The following NXPE2 variants were observed in gnomAD, a reference collection of about 807,000 sequenced individuals.
NXPE2 encodes NXPE family member 2.
A neutral mutation model predicts 34.4 loss-of-function variants in NXPE2; 34 were observed. That is an observed-to-expected ratio of 0.99 (90% CI 0.75 to 1.31). The LOEUF (loss-of-function observed/expected upper bound fraction) is 1.31, where lower values mean the gene tolerates loss of function less well. Among genes scored for constraint, NXPE2 ranks in the 40% most tolerant of loss-of-function variants. The pLI, the probability that NXPE2 is intolerant of heterozygous loss-of-function variation, is 0.00. For missense variants in NXPE2, 649 were observed against 672.5 expected, an observed-to-expected ratio of 0.97 and a Z score of 0.39; for synonymous variants, 235 against 231.3, an observed-to-expected ratio of 1.02 and a Z score of -0.15.
the NXPE2 span, among the ~76,000 whole-genome samples, chr11:114,734,879 C>T: frequency 0.27 from 40,904 of 152,056 alleles, 6,001 homozygotes; most frequent in East Asian, 0.43. Flanking sequence ...GAGGCCGAGG[C>T]GGGCGGATCA....
Position 114,706,927 on chromosome 11 carries a change from T to C in NXPE2, c.1677T>C (p.Cys559=). ...TTGGCATGTTCTTAAACTACATTTG[T>C]TAGAGGAAAAATACAAAAATAGCAC... The part of the protein sequence containing the change: ...NQIGMFLNYI[C] Residue 559 remains cysteine, a synonymous_variant, in exon 6 of 6, where the codon TGT becomes TGC. Transcript: ENST00000389586. 6.5e-7 allele frequency: 1 copy of C among 1,539,940 alleles called. No homozygotes were observed. The highest frequency in any genetic ancestry group is 1.2e-5 in the South Asian group (1 of 83,198).
At chr11:114,627,979 A>G in the NXPE2 span, among the ~76,000 whole-genome samples, 1 of 151,960 alleles carries the variant, frequency 6.6e-6, no homozygotes, top group African/African-American at 2.4e-5. Context: ...ACTATCCTAA[A>G]TATATATGGA....
chr11:114,775,231 G>T, the NXPE2 span, among the ~76,000 whole-genome samples: 1 of 152,170 alleles, frequency 6.6e-6, no homozygotes, highest in Non-Finnish European at 1.5e-5. Context: ...GCAGATCTAG[G>T]CCGTACGCTT....
the NXPE2 span, among the ~76,000 whole-genome samples, chr11:114,464,808 T>G: frequency 6.6e-6 from 1 of 151,674 alleles, no homozygotes; most frequent in Non-Finnish European, 1.5e-5. Flanking sequence ...ATTATATAAT[T>G]GACAAAAACT....
the NXPE2 span, among the ~76,000 whole-genome samples, chr11:114,479,625 G>A: frequency 5.3e-5 from 8 of 152,202 alleles, no homozygotes; most frequent in East Asian, 3.9e-4. Context: ...TTTGGACACC[G>A]AGTCAGCCAT....
At chr11:114,694,850 T>TG (rs1951219385) in intron 2 of NXPE2, among the ~76,000 whole-genome samples, 1 of 151,982 alleles carries the variant, frequency 6.6e-6, no homozygotes, top group South Asian at 2.1e-4. Context: ...TTTTGTATTT[T>TG]TTTTATTAGA....
chr11:114,531,158 G>GTA, the NXPE2 span, among the ~76,000 whole-genome samples: 1 of 151,670 alleles, frequency 6.6e-6, no homozygotes, highest in African/African-American at 2.4e-5. Flanking sequence ...TGATAATTTT[G>GTA]TATAAAATGT....
At chr11:114,684,582 G>T (rs542677140) in intron 2 of NXPE2, among the ~76,000 whole-genome samples, 1 of 152,146 alleles carries the variant, frequency 6.6e-6, no homozygotes, top group Non-Finnish European at 1.5e-5. Flanking sequence ...TAAGCACTTG[G>T]CTGAGGAGTT....
chr11:114,499,326 G>A, the NXPE2 span, among the ~76,000 whole-genome samples: 1 of 152,032 alleles, frequency 6.6e-6, no homozygotes, highest in Non-Finnish European at 1.5e-5. Flanking sequence ...GCTCTTGGAT[G>A]TATTTATCAA....
At chr11:114,523,569 AAT>A in the NXPE2 span, among the ~76,000 whole-genome samples, 1 of 152,208 alleles carries the variant, frequency 6.6e-6, no homozygotes, top group Non-Finnish European at 1.5e-5. Context: ...CAAATAGTAT[AAT>A]AGTCACCTAG....
chr11:114,775,059 G>A, the NXPE2 span, among the ~76,000 whole-genome samples: 1 of 152,236 alleles, frequency 6.6e-6, no homozygotes, highest in African/African-American at 2.4e-5. Flanking sequence ...TCTCTGGCTT[G>A]GATGAAAGAA....
the NXPE2 span, among the ~76,000 whole-genome samples, chr11:114,647,490 A>G: frequency 6.6e-6 from 1 of 152,126 alleles, no homozygotes; most frequent in Non-Finnish European, 1.5e-5. Flanking sequence ...TATTTCCTTA[A>G]TGCTCACTAA....
the NXPE2 span, among the ~76,000 whole-genome samples, chr11:114,618,986 A>G: frequency 6.6e-6 from 1 of 152,066 alleles, no homozygotes; most frequent in Non-Finnish European, 1.5e-5. Flanking sequence ...CTGGTGGATA[A>G]TAGGTATTGC....
chr11:114,610,553 G>C, the NXPE2 span, among the ~76,000 whole-genome samples: 1 of 102,414 alleles, frequency 9.8e-6, no homozygotes. Flanking sequence ...GTGTTGCCTC[G>C]TGGTTAACCA....
chr11:114,801,541 A>T, the NXPE2 span, among the ~76,000 whole-genome samples: 146,810 of 152,320 alleles, frequency 0.96, 70,991 homozygotes, highest in Middle Eastern at 1. Context: ...AATGGCATTA[A>T]CTCATTCAGA....
At chr11:114,616,755 G>A in the NXPE2 span, among the ~76,000 whole-genome samples, 1 of 151,528 alleles carries the variant, frequency 6.6e-6, no homozygotes. Flanking sequence ...CGGTTAACCG[G>A]TGGATAATAA....
At chr11:114,756,979 C>A in the NXPE2 span, among the ~76,000 whole-genome samples, 1 of 152,078 alleles carries the variant, frequency 6.6e-6, no homozygotes, top group Non-Finnish European at 1.5e-5. Flanking sequence ...GTAGACTTGG[C>A]AGACATGATG....
At chr11:114,696,170 C>G (rs1345515226) in intron 2 of NXPE2, among the ~76,000 whole-genome samples, 1 of 151,666 alleles carries the variant, frequency 6.6e-6, no homozygotes, top group Non-Finnish European at 1.5e-5. Flanking sequence ...AACCCCACCT[C>G]TATGAAAAAT....
the NXPE2 span, among the ~76,000 whole-genome samples, chr11:114,744,881 C>T: frequency 6.6e-6 from 1 of 151,958 alleles, no homozygotes; most frequent in African/African-American, 2.4e-5. Context: ...TAAAACAGAA[C>T]AATTACTATG....
Sources: gnomAD v4.1 joint callset for allele counts (sites outside exome capture counted in the v4.1 genomes callset) on GRCh38, gnomAD v4.1.1 for gene constraint, MANE v1.5 for transcripts, NCBI Gene and HGNC (gene_info 2026-07-23, HGNC 2026-07-21) for gene names.